AGPS: variants seen among roughly 807,000 people sequenced by gnomAD.
AGPS encodes alkylglycerone phosphate synthase.
Under a neutral mutation model 90.7 loss-of-function variants are expected in AGPS, and 26 were observed. That is an observed-to-expected ratio of 0.29 (90% CI 0.21 to 0.40). The LOEUF is 0.40. Among genes scored for constraint, AGPS ranks in the 10% least tolerant of loss-of-function variants. The probability of loss-of-function intolerance (pLI) is 1.00; values close to 1 mark genes in which losing one functional copy is unlikely to be tolerated. For synonymous variants in AGPS, 294 were observed against 285.3 expected, an observed-to-expected ratio of 1.03 and a Z score of -0.31; for missense variants, 540 against 816.1, an observed-to-expected ratio of 0.66 and a Z score of 4.12.
rs775627182 is a variant in AGPS, at chr2:177,392,858, G to A, written c.69G>A (p.Ala23=). The change falls in exon 1 of 20, where the codon GCG becomes GCA. Residue 23 remains alanine, a synonymous_variant. Transcript: ENST00000264167. ...CGGGCGCGAGCTACGGGTCTGCAGC[G>A]GACCGGGACCGGGACCCGGACCCGG... ...LGAGASYGSA[A]DRDRDPDPDR... The A allele has an allele frequency of 6.4e-7, 1 of 1,551,934 alleles. No individual in the cohort carries two copies. The highest frequency in any genetic ancestry group is 8.7e-7 in the Non-Finnish European group (1 of 1,151,940).
chr2:177,504,230 T>C (rs1688642665), intron 14 of AGPS, among the ~76,000 whole-genome samples: 1 of 152,186 alleles, frequency 6.6e-6, no homozygotes, highest in Non-Finnish European at 1.5e-5. Flanking sequence ...GACTCTATTT[T>C]ATATCTACTT....
In AGPS at chr2:177,411,821, A is replaced by G. The variant is rs145751754; in HGVS notation, c.261-8448A>G. On this transcript the variant is annotated intron_variant, in intron 1 of 19. Transcript: ENST00000264167. ...TGTTCTATTATGTTGTTGTAGACCC[A>G]TAGTACTGGGTCATCAGTTCTAAGG... Among the ~76,000 whole-genome samples the G allele has an allele frequency of 5.9e-5, 9 of 152,304 alleles. No homozygotes were observed. In the East Asian group the frequency reaches 1.7e-3, roughly 29 times the overall value.
At chr2:177,503,965 C>T (rs1441463608) in intron 14 of AGPS, among the ~76,000 whole-genome samples, 2 of 152,152 alleles carry the variant, frequency 1.3e-5, no homozygotes, top group Admixed American at 1.3e-4. Context: ...AGAAAGATGA[C>T]TTAGGACTGA....
In AGPS at chr2:177,507,962, C is replaced by A; in HGVS notation, c.1546-8C>A. The A allele has an allele frequency of 6.2e-7, 1 of 1,607,074 alleles. No individual in the cohort carries two copies. Among genetic ancestry groups the A allele is most frequent in the Non-Finnish European group, 8.5e-7 (1 of 1,173,676 alleles). ...AGTTTCTTGATTTTTCTGTTTGTGT[C>A]TTAATAGGACTTGGCTTTGGAATAC... On this transcript the variant is annotated splice_polypyrimidine_tract_variant and splice_region_variant and intron_variant, in intron 15 of 19. Coordinates refer to ENST00000264167, the MANE Select transcript of AGPS (RefSeq NM_003659.4).
At chr2:177,404,473 CA>C (rs1163126379) in intron 1 of AGPS, among the ~76,000 whole-genome samples, 1 of 152,142 alleles carries the variant, frequency 6.6e-6, no homozygotes, top group Non-Finnish European at 1.5e-5. Context: ...TGCCGCCCCC[CA>C]CCCCAACATT....
chr2:177,399,396 G>A (rs543839745), intron 1 of AGPS, among the ~76,000 whole-genome samples: 1 of 152,222 alleles, frequency 6.6e-6, no homozygotes, highest in South Asian at 2.1e-4. Flanking sequence ...TTTATTTGTT[G>A]GGTCTTGGGG....
intron 12 of AGPS, among the ~76,000 whole-genome samples, chr2:177,495,141 A>G (rs941265359): frequency 1.3e-5 from 2 of 152,162 alleles, no homozygotes; most frequent in Non-Finnish European, 2.9e-5. Flanking sequence ...AAATAATCCA[A>G]AGATGTCCTC....
At chr2:177,454,438 T>C (rs1024775311) in intron 8 of AGPS, among the ~76,000 whole-genome samples, 2 of 152,000 alleles carry the variant, frequency 1.3e-5, no homozygotes, top group South Asian at 2.1e-4. Flanking sequence ...TTTGAACATA[T>C]AGAATACAGT....
chr2:177,405,673 G>T lies in AGPS; in HGVS notation c.260+12624G>T, dbSNP rs868299405. Among the ~76,000 whole-genome samples the T allele has an allele frequency of 6.8e-3, 986 of 144,890 alleles. 16 individuals carry two copies. The highest frequency in any genetic ancestry group is 0.022 in the African/African-American group (870 of 39,058). ...TTCCATGTTATTGCACTATTCTGTT[G>T]TTTTTTTTTTTTTTTCCCACCTTCC... is the stretch of plus-strand genomic sequence containing the variant. On this transcript the variant is annotated intron_variant, in intron 1 of 19. Transcript: ENST00000264167.
chr2:177,480,631 A>G (rs1687916825), intron 10 of AGPS, among the ~76,000 whole-genome samples: 2 of 152,160 alleles, frequency 1.3e-5, no homozygotes, highest in Admixed American at 1.3e-4. Context: ...AATGTAAATG[A>G]TGAGTTAATG....
intron 19 of AGPS, among the ~76,000 whole-genome samples, chr2:177,531,156 C>A (rs564010933): frequency 3.9e-5 from 6 of 152,050 alleles, no homozygotes; most frequent in Non-Finnish European, 8.8e-5. Context: ...ACAAAAAAAT[C>A]AGTTTAGGGC....
intron 4 of AGPS, 45 bp from the exon 5 acceptor site, chr2:177,436,934 AT>A: frequency 6.2e-7 from 1 of 1,611,126 alleles, no homozygotes; most frequent in South Asian, 1.1e-5. Flanking sequence ...AAAATTCTAT[AT>A]TTTAAGCTGT....
intron 9 of AGPS, 76 bp downstream of exon 9, chr2:177,462,094 A>C: frequency 7.4e-7 from 1 of 1,349,846 alleles, no homozygotes; most frequent in African/African-American, 1.5e-5. Context: ...GAAGCCTTTA[A>C]AAATTAAGAG....
intron 7 of AGPS, among the ~76,000 whole-genome samples, 180 bp from the exon 8 acceptor site, chr2:177,445,366 T>G (rs1246402582): frequency 6.6e-6 from 1 of 152,260 alleles, no homozygotes; most frequent in Non-Finnish European, 1.5e-5. Context: ...CCTTTGTTAC[T>G]ATGTTGTCAT....
intron 2 of AGPS, among the ~76,000 whole-genome samples, chr2:177,423,446 A>T (rs1053102792): frequency 6.6e-6 from 1 of 152,200 alleles, no homozygotes; most frequent in African/African-American, 2.4e-5. Context: ...GACAGAAATA[A>T]TTCAGGCCCC....
intron 14 of AGPS, among the ~76,000 whole-genome samples, chr2:177,502,442 T>C (rs896184438): frequency 2.0e-5 from 3 of 148,808 alleles, no homozygotes; most frequent in Non-Finnish European, 3.0e-5. Flanking sequence ...AGACAATGTC[T>C]TGCTCTGTCA....
intron 1 of AGPS, among the ~76,000 whole-genome samples, chr2:177,411,988 G>A (rs6433664): frequency 0.86 from 131,150 of 152,066 alleles, 56,764 homozygotes; most frequent in East Asian, 0.95. Context: ...AGTTGGTGGG[G>A]AACAGGTCCC....
chr2:177,478,002 T>A (rs1559064597), intron 10 of AGPS, among the ~76,000 whole-genome samples: 1 of 152,196 alleles, frequency 6.6e-6, no homozygotes, highest in Non-Finnish European at 1.5e-5. Flanking sequence ...AATTACTGTT[T>A]GGGGTCACCT....
At chr2:177,507,887 C>A in intron 15 of AGPS, 83 bp from the exon 16 acceptor site, 1 of 971,466 alleles carries the variant, frequency 1.0e-6, no homozygotes, top group Non-Finnish European at 1.7e-6. Context: ...GTGATACTAA[C>A]AATGAATATG....
Sources: gnomAD v4.1 joint callset for allele counts (sites outside exome capture counted in the v4.1 genomes callset) on GRCh38, gnomAD v4.1.1 for gene constraint, MANE v1.5 for transcripts, NCBI Gene and HGNC (gene_info 2026-07-23, HGNC 2026-07-21) for gene names.